Variants in RARG observed in about 807,000 individuals in gnomAD.
The protein encoded by RARG is RAR-gamma.
In RARG, 17 loss-of-function variants were observed where a neutral mutation model predicts 43.7. That is an observed-to-expected ratio of 0.39 (90% confidence interval 0.27 to 0.58). The LOEUF (loss-of-function observed/expected upper bound fraction) is 0.58, where lower values mean the gene tolerates loss of function less well. Ranked by LOEUF, RARG falls within the 20% of genes least tolerant of loss-of-function variation. The pLI is 0.57. For synonymous variants in RARG, 238 were observed against 236.4 expected (o/e 1.01, Z -0.06); for missense variants, 346 against 598.7 (o/e 0.58, Z 4.40).
At chr12:53,218,551 T>A (rs1942843126) in intron 3 of RARG, among the ~76,000 whole-genome samples, 1 of 152,144 alleles carries the variant, frequency 6.6e-6, no homozygotes. Context: ...CCATGCTTTC[T>A]CGGTTCTTTA....
Position 53,211,483 on chromosome 12 carries a change from C to T in RARG, c.*193G>A, listed in dbSNP as rs1411176974. 1.4e-5 allele frequency: 7 copies of T among 486,884 alleles called. No individual in the cohort carries two copies. Among genetic ancestry groups the T allele is most frequent in the East Asian group, 3.6e-5 (1 of 27,964 alleles). The allele number at this position is 486,884 out of a possible 1,614,324, so 30.2% of individuals were successfully genotyped here. On this transcript the variant is annotated 3_prime_UTR_variant, in exon 10 of 10. Coordinates refer to ENST00000425354, the MANE Select transcript of RARG (RefSeq NM_000966.6). This position sits in a 1 kb window ranked among gnomAD's most constrained non-coding sequence, Gnocchi z 4.6. ...GAGCAGGGCAGGCCCCCGGGACTGG[C>T]GAGGGAGCCGGTTAGATCAGGAAGG...
In RARG at chr12:53,211,141, A is replaced by T. The variant is rs1373791722; in HGVS notation, c.*535T>A. The T allele has an allele frequency of 1.3e-5, 2 of 152,994 alleles. No individual in the cohort carries two copies. The highest frequency in any genetic ancestry group is 3.8e-4 in the East Asian group (2 of 5,196). 9.5% of individuals were successfully genotyped at this position (152,994 alleles called of 1,614,324 possible). On this transcript the variant is annotated 3_prime_UTR_variant, in exon 10 of 10. Coordinates refer to ENST00000425354, the MANE Select transcript of RARG (RefSeq NM_000966.6). The surrounding 1 kb of genome is among the most constrained non-coding windows in gnomAD (Gnocchi z 4.6). ...TTTCACCCTCTGTTCCTGCCCCAGAAATGCAGGGCCCAGCCTGCCCCCACC... is the reference window on the plus strand; with the variant it reads ...TTTCACCCTCTGTTCCTGCCCCAGATATGCAGGGCCCAGCCTGCCCCCACC...
In RARG at chr12:53,220,315, C is replaced by T. The variant is rs1357008910; in HGVS notation, c.185-4521G>A. ...GCGGGGCGCGAAGCTGGGGCTGCCG[C>T]TTTAGCCTCCGTCCAGCTCTTATCT... On this transcript the variant is annotated intron_variant, in intron 3 of 9. Transcript: ENST00000425354. 6 of 1,415,866 alleles carry T rather than the reference C, an allele frequency of 4.2e-6. No homozygotes were observed. The African/African-American group carries it at 8.9e-5, about 21-fold the overall frequency. 87.7% of individuals were successfully genotyped at this position (1,415,866 alleles called of 1,614,324 possible).
Position 53,211,847 on chromosome 12 carries a change from A to G in RARG, c.1194T>C (p.Ile398=). The part of the protein sequence containing the change: ...GISTKGAERA[I]TLKMEIPGPM... The stretch of plus-strand genomic sequence containing the variant: ...GGCCTGGAATCTCCATCTTCAGAGT[A>G]ATGGCCCTTTCAGCTCCTACAATGG... The change falls in exon 10 of 10, where the codon ATT becomes ATC. Residue 398 remains isoleucine, a synonymous_variant. Transcript: ENST00000425354. This position sits in a 1 kb window ranked among gnomAD's most constrained non-coding sequence, Gnocchi z 4.6. The G allele has an allele frequency of 6.7e-7, 1 of 1,483,298 alleles. No individual in the cohort carries two copies. The highest frequency in any genetic ancestry group is 9.0e-7 in the Non-Finnish European group (1 of 1,110,538). The allele number at this position is 1,483,298 out of a possible 1,614,324, so 91.9% of individuals were successfully genotyped here.
At chr12:53,223,755 C>T (rs940740277) in intron 3 of RARG, among the ~76,000 whole-genome samples, 1 of 152,208 alleles carries the variant, frequency 6.6e-6, no homozygotes, top group African/African-American at 2.4e-5. Context: ...GGGTAGCTGT[C>T]CCTTGTCTTG....
At chr12:53,220,199 G>C (rs755338971) in intron 3 of RARG, 17 of 1,543,212 alleles carry the variant, frequency 1.1e-5, no homozygotes, top group Non-Finnish European at 1.4e-5. Context: ...AGCAGGGGGG[G>C]AGGGGGAGGG....
intron 2 of RARG, among the ~76,000 whole-genome samples, chr12:53,230,798 C>T (rs1438209882): frequency 6.7e-6 from 1 of 148,584 alleles, no homozygotes; most frequent in Admixed American, 6.7e-5. Flanking sequence ...TGTGGGGGGG[C>T]GTGCCCCATG....
chr12:53,225,276 A>C (rs1389925327), intron 3 of RARG, among the ~76,000 whole-genome samples: 1 of 152,212 alleles, frequency 6.6e-6, no homozygotes, highest in African/African-American at 2.4e-5. Context: ...TGCCACCAGC[A>C]GGCTTCACCA....
intron 3 of RARG, among the ~76,000 whole-genome samples, chr12:53,223,383 T>C (rs765041374): frequency 1.6e-4 from 23 of 147,526 alleles, no homozygotes; most frequent in Non-Finnish European, 3.0e-4. Flanking sequence ...AGCAGAAGAA[T>C]AGCGAGGTGT....
intron 3 of RARG, among the ~76,000 whole-genome samples, chr12:53,221,565 T>C (rs914113779): frequency 4.6e-5 from 7 of 152,128 alleles, no homozygotes; most frequent in Admixed American, 3.9e-4. Flanking sequence ...GCCGCAACAC[T>C]GTTCCCTGGG....
At chr12:53,228,354 G>T (rs992337803) in intron 2 of RARG, among the ~76,000 whole-genome samples, 1 of 152,190 alleles carries the variant, frequency 6.6e-6, no homozygotes. Context: ...ACCTCATATG[G>T]TTATTGTGAG....
At chr12:53,223,959 T>G (rs1380492972) in intron 3 of RARG, among the ~76,000 whole-genome samples, 1 of 152,116 alleles carries the variant, frequency 6.6e-6, no homozygotes, top group Non-Finnish European at 1.5e-5. Context: ...ACCACAGCTA[T>G]CTGCTCAGGG....
At chr12:53,223,494 T>TGGC (rs1484139567) in intron 3 of RARG, among the ~76,000 whole-genome samples, 11 of 148,140 alleles carry the variant, frequency 7.4e-5, no homozygotes, top group African/African-American at 2.7e-4. Context: ...GCCTGGGCCC[T>TGGC]GGCGGCGGCG....
At chr12:53,226,639 TCTCA>T (rs1398409974) in intron 3 of RARG, among the ~76,000 whole-genome samples, 1 of 142,468 alleles carries the variant, frequency 7.0e-6, no homozygotes, top group Non-Finnish European at 1.5e-5. Context: ...TTAGACAGAT[TCTCA>T]CTCTATCGCC....
At chr12:53,220,278 G>A in intron 3 of RARG, 1 of 1,160,050 alleles carries the variant, frequency 8.6e-7, no homozygotes, top group South Asian at 1.5e-5. Flanking sequence ...CCCAGCAGGG[G>A]AAAGGGACTG....
At chr12:53,225,473 G>C (rs995407001) in intron 3 of RARG, among the ~76,000 whole-genome samples, 2 of 152,156 alleles carry the variant, frequency 1.3e-5, no homozygotes, top group Non-Finnish European at 2.9e-5. Context: ...CTTTCCAGTG[G>C]AGCTGCCAGC....
chr12:53,220,459 G>A, intron 3 of RARG: 1 of 738,958 alleles, frequency 1.4e-6, no homozygotes, highest in South Asian at 2.8e-5. Context: ...GCTGAGAGTG[G>A]AGCGCACACA....
In RARG at chr12:53,220,080, C is replaced by T. The variant is rs1282363648; in HGVS notation, c.185-4286G>A. 1.2e-5 allele frequency: 18 copies of T among 1,549,838 alleles called. No individual in the cohort carries two copies. The Admixed American group carries it at 3.5e-4, about 30-fold the overall frequency. ...ACAGCCGTCGCGGACCCGGGGCAAA[C>T]GTTTCCATACAGTCGTACATCGCGA... On this transcript the variant is annotated intron_variant, in intron 3 of 9. Coordinates refer to ENST00000425354, the MANE Select transcript of RARG (RefSeq NM_000966.6).
chr12:53,222,678 G>C (rs1166500984), intron 3 of RARG, among the ~76,000 whole-genome samples: 1 of 152,116 alleles, frequency 6.6e-6, no homozygotes, highest in Non-Finnish European at 1.5e-5. Flanking sequence ...TGCATGGAGG[G>C]GGTCCTTAGG....
Sources: gnomAD v4.1 joint callset for allele counts (sites outside exome capture counted in the v4.1 genomes callset) on GRCh38, gnomAD v4.1.1 for gene constraint, Gnocchi (gnomAD v3.1) non-coding constraint, MANE v1.5 for transcripts, NCBI Gene and HGNC (gene_info 2026-07-23, HGNC 2026-07-21) for gene names.